SNED1: variants seen among roughly 807,000 people sequenced by gnomAD.
The protein encoded by SNED1 is sushi, nidogen and EGF-like domain-containing protein 1.
A neutral mutation model predicts 166.7 loss-of-function variants in SNED1; 81 were observed. That is an observed-to-expected ratio of 0.49 (90% CI 0.41 to 0.58). SNED1 has a LOEUF of 0.58. Ranked by LOEUF, SNED1 falls within the 20% of genes least tolerant of loss-of-function variation. SNED1 has a pLI of 0.00. For missense variants in SNED1, 1,604 were observed against 2,000.2 expected, an observed-to-expected ratio of 0.80 and a Z score of 3.78; for synonymous variants, 762 against 822.0, an observed-to-expected ratio of 0.93 and a Z score of 1.25.
At chr2:241,012,477 T>C (rs2106570624) in intron 1 of SNED1, among the ~76,000 whole-genome samples, 1 of 152,286 alleles carries the variant, frequency 6.6e-6, no homozygotes, top group South Asian at 2.1e-4. Flanking sequence ...CCCTCCCTGG[T>C]GTTTTTAGGG....
chr2:241,072,425 T>C (rs2062777777), intron 26 of SNED1: 1 of 360,010 alleles, frequency 2.8e-6, no homozygotes, highest in East Asian at 7.4e-5. Flanking sequence ...CCCTGAGACA[T>C]GTTGGCAGGA....
intron 29 of SNED1, among the ~76,000 whole-genome samples, chr2:241,082,956 T>C (rs1859927): frequency 0.33 from 50,118 of 151,604 alleles, 12,206 homozygotes; most frequent in African/African-American, 0.67. Context: ...ACTTACTGAG[T>C]ACCTGCTGTG....
intron 2 of SNED1, among the ~76,000 whole-genome samples, chr2:241,033,278 G>A (rs911641935): frequency 9.2e-5 from 14 of 152,140 alleles, no homozygotes; most frequent in Non-Finnish European, 1.3e-4. Flanking sequence ...TCATCTGTAC[G>A]CTGCCTGCCA....
intron 16 of SNED1, among the ~76,000 whole-genome samples, chr2:241,056,588 T>TTTTTTTTTTG (rs2062047065): frequency 7.1e-6 from 1 of 141,290 alleles, no homozygotes; most frequent in Non-Finnish European, 1.5e-5. Flanking sequence ...AAATTTTTTT[T>TTTTTTTTTTG]TTTTTTTTTT....
At chr2:241,048,611 G>A in intron 9 of SNED1, 51 bp from the exon 10 acceptor site, 1 of 1,537,706 alleles carries the variant, frequency 6.5e-7, no homozygotes, top group Non-Finnish European at 8.8e-7. Flanking sequence ...GAGCGAGGGT[G>A]CCATCTTTCT....
In SNED1 at chr2:241,023,888, C is replaced by CTTTTTTTTTTTTTTTTTTTTTTTTT. The variant is rs34234341; in HGVS notation, c.214-6377_214-6376insTTTTTTTTTTTTTTTTTTTTTTTTT. On this transcript the variant is annotated intron_variant, in intron 1 of 31. Transcript: ENST00000310397. ...TTCTCTCTTTTTTTCTTTTTTTTTCCTTTTTTTTTTTTTTTTTTTGAGACA... is the reference window on the plus strand; with the variant it reads ...TTCTCTCTTTTTTTCTTTTTTTTTCCTTTTTTTTTTTTTTTTTTTTTTTTTTTTTTTTTTTTTTTTTTTTGAGACA... 3.7e-4 allele frequency among the ~76,000 whole-genome samples: 34 copies of CTTTTTTTTTTTTTTTTTTTTTTTTT among 92,006 alleles called. 1 individual carries two copies. The highest frequency in any genetic ancestry group is 4.7e-4 in the African/African-American group (10 of 21,356). 60.4% of individuals were successfully genotyped at this position (92,006 alleles called of 152,430 possible).
intron 2 of SNED1, among the ~76,000 whole-genome samples, chr2:241,031,144 C>G (rs2061155321): frequency 3.3e-5 from 5 of 152,124 alleles, no homozygotes; most frequent in Admixed American, 2.6e-4. Flanking sequence ...ATTTTCAGAG[C>G]TGTTTGTTCA....
At chr2:241,010,097 C>T (rs1215896957) in intron 1 of SNED1, 2 of 152,276 alleles carry the variant, frequency 1.3e-5, no homozygotes, top group East Asian at 3.8e-4. Flanking sequence ...CTGTTTCACT[C>T]TTGGCAGAGG....
In SNED1 at chr2:241,070,116, G is replaced by A. The variant is rs1559293745; in HGVS notation, c.3504G>A (p.Arg1168=). The part of the protein sequence containing the change: ...SYTVRDLLPG[R]RYQLSVIAVQ... Reference sequence around the variant, plus strand: ...CGGTGCGCGACCTGCTGCCGGGACGGCGGTACCAGCTCTCTGTGATAGCAG... The same window carrying A: ...CGGTGCGCGACCTGCTGCCGGGACGACGGTACCAGCTCTCTGTGATAGCAG... The change falls in exon 24 of 32, where the codon CGG becomes CGA. Residue 1168 remains arginine (R), a synonymous_variant. Transcript: ENST00000310397. 6.2e-7 allele frequency: 1 copy of A among 1,612,726 alleles called. No individual in the cohort carries two copies. The highest frequency in any genetic ancestry group is 8.5e-7 in the Non-Finnish European group (1 of 1,179,820).
intron 16 of SNED1, among the ~76,000 whole-genome samples, chr2:241,062,339 AAAAT>A (rs1484161916): frequency 5.9e-5 from 9 of 152,242 alleles, no homozygotes; most frequent in Non-Finnish European, 1.3e-4. Context: ...AAACTTTAAA[AAAAT>A]AAATATTTAA....
intron 16 of SNED1, among the ~76,000 whole-genome samples, chr2:241,057,110 G>A (rs114469167): frequency 0.013 from 1,983 of 152,142 alleles, 16 homozygotes; most frequent in Non-Finnish European, 0.021. Context: ...TGGGTGCAGT[G>A]GCTCACACCT....
At chr2:241,087,805 G>A (rs182235233) in intron 30 of SNED1, 26 of 780,368 alleles carry the variant, frequency 3.3e-5, no homozygotes, top group African/African-American at 8.9e-5. Context: ...GATATAGCGC[G>A]TCGCTCTTTA....
At chr2:241,032,895 C>T (rs142992129) in intron 2 of SNED1, among the ~76,000 whole-genome samples, 484 of 152,228 alleles carry the variant, frequency 3.2e-3, no homozygotes, top group African/African-American at 0.011. Flanking sequence ...TTAAGGGTCT[C>T]GATAATTTTA....
intron 2 of SNED1, among the ~76,000 whole-genome samples, chr2:241,032,293 T>C (rs543633235): frequency 6.6e-6 from 1 of 151,630 alleles, no homozygotes; most frequent in South Asian, 2.1e-4. Context: ...GAGGTTGCAG[T>C]GAGCCGAGAT....
chr2:241,030,182 C>A lies in SNED1; in HGVS notation c.214-102C>A, dbSNP rs533805597. ...GGGATACCCTGCCCAGGACTGGCTT[C>A]CCCTCAGAGGGTGCCTGGTGGCAGG... On this transcript the variant is annotated intron_variant, in intron 1 of 31. Coordinates refer to ENST00000310397, the MANE Select transcript of SNED1 (RefSeq NM_001080437.3). 1.5e-3 allele frequency: 1,729 copies of A among 1,154,984 alleles called. 4 individuals carry two copies. The highest frequency in any genetic ancestry group is 1.9e-3 in the Non-Finnish European group (1,559 of 827,374). The allele number at this position is 1,154,984 out of a possible 1,614,324, so 71.5% of individuals were successfully genotyped here. A position where few individuals can be genotyped will look rare whatever the true frequency, so the allele number is the denominator to read the frequency against.
At chr2:241,087,572 C>G in intron 30 of SNED1, 97 bp downstream of exon 30, 1 of 1,470,818 alleles carries the variant, frequency 6.8e-7, no homozygotes, top group Non-Finnish European at 9.0e-7. Context: ...GGCCTGTGGG[C>G]TGAGCCAGGC....
chr2:241,083,896 CAT>C (rs2063450095), intron 29 of SNED1, among the ~76,000 whole-genome samples: 1 of 134,774 alleles, frequency 7.4e-6, no homozygotes, highest in Admixed American at 7.3e-5. Context: ...TTTAAACTGC[CAT>C]ATTACTATTT....
rs1427111069 is a variant in SNED1, at chr2:241,013,255, CT to C, written c.213+14206del. Among the ~76,000 whole-genome samples the C allele has an allele frequency of 6.6e-6, 1 of 152,184 alleles. No individual in the cohort carries two copies. Among genetic ancestry groups the C allele is most frequent in the Admixed American group, 6.5e-5 (1 of 15,274 alleles). The stretch of plus-strand genomic sequence containing the variant: ...ATTTCCCCATTTCCCACCTCAGCCC[CT>C]GGTAACCATCCTTCTACTCTCTGCT... On this transcript the variant is annotated intron_variant, in intron 1 of 31. Transcript: ENST00000310397. The surrounding 1 kb of genome is among the most constrained non-coding windows in gnomAD (Gnocchi z 4.6).
Position 241,071,683 on chromosome 2 carries a change from G to C in SNED1, c.3697G>C (p.Asp1233His). The C allele has an allele frequency of 6.5e-7, 1 of 1,547,820 alleles. No homozygotes were observed. Among genetic ancestry groups the C allele is most frequent in the Non-Finnish European group, 8.7e-7 (1 of 1,151,226 alleles). Residue 1233 changes from aspartate to histidine, a missense_variant, in exon 25 of 32, where the codon GAC (aspartate) becomes CAC (histidine). Coordinates refer to ENST00000310397, the MANE Select transcript of SNED1 (RefSeq NM_001080437.3). ...CCTGCCGGAGCTGCGCCTGCTCAAT[G>C]ACCACAGCGCCCCCGAGACCCCCAC... ...ARLPELRLLN[D>H]HSAPETPTQP... is the part of the protein sequence containing the mutation.
Sources: allele counts gnomAD v4.1 joint callset (sites outside exome capture counted in the v4.1 genomes callset), GRCh38; gene constraint gnomAD v4.1.1; non-coding constraint Gnocchi (gnomAD v3.1); transcripts MANE v1.5; gene names NCBI Gene and HGNC (gene_info 2026-07-23, HGNC 2026-07-21).